The following CTNNA3 variants were observed in gnomAD, a reference collection of about 807,000 sequenced individuals.
CTNNA3 encodes the protein catenin alpha 3.
CTNNA3 carries 76 observed loss-of-function variants against 95.7 expected under a neutral mutation model. That is an observed-to-expected ratio of 0.79 (90% CI 0.66 to 0.96). The LOEUF (loss-of-function observed/expected upper bound fraction) is 0.96, where lower values mean the gene tolerates loss of function less well. Ranked by LOEUF, CTNNA3 falls within the 40% of genes least tolerant of loss-of-function variation. The probability of loss-of-function intolerance (pLI) is 0.00; values close to 1 mark genes in which losing one functional copy is unlikely to be tolerated. For synonymous variants in CTNNA3, 431 were observed against 374.4 expected (o/e 1.15, Z -1.74); for missense variants, 1,191 against 1,089.8 (o/e 1.09, Z -1.31).
intron 10 of CTNNA3, among the ~76,000 whole-genome samples, chr10:66,580,960 C>T (rs1843165687): frequency 6.6e-6 from 1 of 151,748 alleles, no homozygotes; most frequent in African/African-American, 2.4e-5. Flanking sequence ...TTTGCATACC[C>T]ATAGCTTAGC....
intron 9 of CTNNA3, among the ~76,000 whole-genome samples, chr10:66,648,151 G>C (rs1212917094): frequency 2.0e-5 from 3 of 152,080 alleles, no homozygotes; most frequent in Non-Finnish European, 1.5e-5. Flanking sequence ...TCAACCAGAG[G>C]TTTTAAACCC....
chr10:65,946,762 C>T (rs1269020879), intron 17 of CTNNA3, among the ~76,000 whole-genome samples: 1 of 152,228 alleles, frequency 6.6e-6, no homozygotes, highest in Middle Eastern at 3.4e-3. Flanking sequence ...TGCTCCTAAA[C>T]ATTTCTGTAA....
chr10:67,684,125 T>C (rs573899339), intron 1 of CTNNA3, among the ~76,000 whole-genome samples: 29 of 152,298 alleles, frequency 1.9e-4, no homozygotes, highest in African/African-American at 5.5e-4. Flanking sequence ...TGCTGATTGG[T>C]CCATTTTACA....
Position 67,014,427 on chromosome 10 carries a change from T to C in CTNNA3, c.1047+165890A>G, listed in dbSNP as rs141026831. 4.3e-3 allele frequency among the ~76,000 whole-genome samples: 653 copies of C among 152,282 alleles called. 19 individuals carry two copies. The highest frequency in any genetic ancestry group is 0.034 in the Middle Eastern group (10 of 294). ...TATGGACTATATAACTTAAGAAATA[T>C]CTTTATCTGGGAATCCCAGGTGGTG... On this transcript the variant is annotated intron_variant, in intron 7 of 17. Transcript: ENST00000433211.
chr10:66,872,228 C>T (rs1354044700), intron 7 of CTNNA3, among the ~76,000 whole-genome samples: 1 of 152,094 alleles, frequency 6.6e-6, no homozygotes, highest in African/African-American at 2.4e-5. Flanking sequence ...TTTATCCATG[C>T]TGCAGGTGTT....
intron 16 of CTNNA3, among the ~76,000 whole-genome samples, chr10:65,969,989 A>G (rs988130670): frequency 5.3e-5 from 8 of 152,164 alleles, no homozygotes; most frequent in Admixed American, 5.2e-4. Flanking sequence ...TCCAAGGTCA[A>G]TACTAAAGAA....
At chr10:67,686,699 C>T (rs995715538) in intron 1 of CTNNA3, among the ~76,000 whole-genome samples, 1 of 152,154 alleles carries the variant, frequency 6.6e-6, no homozygotes, top group African/African-American at 2.4e-5. Flanking sequence ...TGAGGCCAGA[C>T]TTTTGCTACT....
At chr10:65,932,697 C>T (rs955471045) in intron 17 of CTNNA3, among the ~76,000 whole-genome samples, 1 of 152,104 alleles carries the variant, frequency 6.6e-6, no homozygotes, top group South Asian at 2.1e-4. Flanking sequence ...ACTGTTTTGT[C>T]CTGGCTAAGG....
At chr10:67,519,305 T>C (rs1016757865) in intron 5 of CTNNA3, among the ~76,000 whole-genome samples, 4 of 152,062 alleles carry the variant, frequency 2.6e-5, no homozygotes, top group African/African-American at 7.2e-5. Flanking sequence ...ATGACTCCAA[T>C]AAAATAATTA....
intron 7 of CTNNA3, among the ~76,000 whole-genome samples, chr10:66,860,989 A>G (rs2132411280): frequency 6.6e-6 from 1 of 152,282 alleles, no homozygotes; most frequent in Middle Eastern, 3.4e-3. Context: ...CTCCTCTCTC[A>G]TGGGGGAGGC....
chr10:67,711,445 G>A (rs180974049), intron 1 of CTNNA3, among the ~76,000 whole-genome samples: 20 of 152,288 alleles, frequency 1.3e-4, no homozygotes, highest in Non-Finnish European at 2.6e-4. Context: ...ATGGAGATAG[G>A]AACTGGAGAA....
chr10:66,182,498 G>A lies in CTNNA3; in HGVS notation c.1885-79249C>T, dbSNP rs896386368. Among the ~76,000 whole-genome samples the A allele has an allele frequency of 5.9e-5, 9 of 151,842 alleles. No individual in the cohort carries two copies. The South Asian group carries it at 6.2e-4, about 11-fold the overall frequency. Reference sequence around the variant, plus strand: ...TCTCGATCTCCTGATCTCGTGATCCGCCCGCCTCGGCCTCCCAAAGTGCTG... The same window carrying A: ...TCTCGATCTCCTGATCTCGTGATCCACCCGCCTCGGCCTCCCAAAGTGCTG... On this transcript the variant is annotated intron_variant, in intron 13 of 17. Transcript: ENST00000433211.
chr10:66,478,649 C>T (rs972379557), intron 11 of CTNNA3, among the ~76,000 whole-genome samples: 4 of 151,514 alleles, frequency 2.6e-5, no homozygotes, highest in African/African-American at 4.8e-5. Flanking sequence ...AAGCTTAACG[C>T]TATTACAATT....
chr10:66,687,991 G>T (rs1436616220), intron 9 of CTNNA3, among the ~76,000 whole-genome samples: 1 of 152,078 alleles, frequency 6.6e-6, no homozygotes, highest in African/African-American at 2.4e-5. Flanking sequence ...AAGAGAGATT[G>T]TGTCAAACAC....
At chr10:66,011,072 C>T (rs2078996687) in intron 15 of CTNNA3, among the ~76,000 whole-genome samples, 1 of 152,166 alleles carries the variant, frequency 6.6e-6, no homozygotes, top group Non-Finnish European at 1.5e-5. Context: ...TGATTTGAAA[C>T]ACAGAATCCT....
chr10:67,726,440 A>AGC (rs1841221634), intron 1 of CTNNA3, among the ~76,000 whole-genome samples: 1 of 45,566 alleles, frequency 2.2e-5, no homozygotes, highest in Non-Finnish European at 3.4e-5. Flanking sequence ...ATCATATATA[A>AGC]TATATAATAT....
chr10:65,982,120 A>C (rs2078331917), intron 16 of CTNNA3, among the ~76,000 whole-genome samples: 1 of 151,894 alleles, frequency 6.6e-6, no homozygotes, highest in African/African-American at 2.4e-5. Flanking sequence ...ACTCATATTC[A>C]GAATCTCCAA....
intron 17 of CTNNA3, among the ~76,000 whole-genome samples, chr10:65,954,776 T>TC (rs1412266385): frequency 1.3e-5 from 2 of 152,194 alleles, no homozygotes; most frequent in Admixed American, 1.3e-4. Flanking sequence ...ACCATGCTGT[T>TC]TGGTTACTGT....
At chr10:67,154,497 G>A (rs562060212) in intron 7 of CTNNA3, among the ~76,000 whole-genome samples, 10 of 152,220 alleles carry the variant, frequency 6.6e-5, no homozygotes, top group African/African-American at 2.4e-4. Context: ...TGAATTACTA[G>A]CACTACAAAG....
Sources: gnomAD v4.1 joint callset for allele counts (sites outside exome capture counted in the v4.1 genomes callset) on GRCh38, gnomAD v4.1.1 for gene constraint, MANE v1.5 for transcripts, NCBI Gene and HGNC (gene_info 2026-07-23, HGNC 2026-07-21) for gene names.